The following IL23R variants were observed in gnomAD, a reference collection of about 807,000 sequenced individuals.
IL23R encodes the protein interleukin 23 receptor.
A neutral mutation model predicts 56.9 loss-of-function variants in IL23R; 34 were observed. That is an observed-to-expected ratio of 0.60 (90% CI 0.45 to 0.80). The LOEUF is 0.80. Among genes scored for constraint, IL23R ranks in the 30% least tolerant of loss-of-function variants. The pLI is 0.00. For synonymous variants in IL23R, 230 were observed against 249.2 expected (o/e 0.92, Z 0.73); for missense variants, 635 against 730.0 (o/e 0.87, Z 1.50).
At chr1:67,201,864 GT>G (rs1300559896) in intron 5 of IL23R, among the ~76,000 whole-genome samples, 1 of 151,908 alleles carries the variant, frequency 6.6e-6, no homozygotes, top group Admixed American at 6.5e-5. Flanking sequence ...TTAATCTATA[GT>G]TTTATTTTTA....
chr1:67,241,448 T>G (rs927336597), intron 9 of IL23R, among the ~76,000 whole-genome samples: 3 of 152,172 alleles, frequency 2.0e-5, no homozygotes, highest in Non-Finnish European at 2.9e-5. Flanking sequence ...GTCTAGTGCA[T>G]GAGCTCAGTC....
intron 4 of IL23R, among the ~76,000 whole-genome samples, chr1:67,195,269 G>A (rs559597046): frequency 6.6e-6 from 1 of 152,272 alleles, no homozygotes; most frequent in South Asian, 2.1e-4. Context: ...CTGACCTCAA[G>A]TGATCTGCCT....
intron 7 of IL23R, among the ~76,000 whole-genome samples, chr1:67,227,940 A>ATCTTTCTC (rs1650731526): frequency 2.7e-5 from 1 of 37,434 alleles, no homozygotes; most frequent in Non-Finnish European, 6.1e-5. Flanking sequence ...CAGAACAAAG[A>ATCTTTCTC]TCTTTCTTTC....
intron 7 of IL23R, among the ~76,000 whole-genome samples, chr1:67,231,057 G>A (rs1226864844): frequency 6.6e-6 from 1 of 152,162 alleles, no homozygotes; most frequent in East Asian, 1.9e-4. Context: ...CACATCCTTT[G>A]TCTCCTTTAA....
chr1:67,174,075 T>G lies in IL23R; in HGVS notation c.367+4437T>G, dbSNP rs185925750. 8.5e-5 allele frequency among the ~76,000 whole-genome samples: 13 copies of G among 152,330 alleles called. 1 individual carries two copies. The highest frequency in any genetic ancestry group is 8.5e-4 in the Admixed American group (13 of 15,300). ...TAACCTTATTTTGGAAAATTAAGTT[T>G]GTTTACAATTTTTTCATTGTTATGA... On this transcript the variant is annotated intron_variant, in intron 3 of 10. Transcript: ENST00000347310.
At chr1:67,257,221 G>C (rs964501936) in intron 10 of IL23R, among the ~76,000 whole-genome samples, 5 of 152,182 alleles carry the variant, frequency 3.3e-5, no homozygotes, top group African/African-American at 4.8e-5. Context: ...GAGAGACTAA[G>C]GAATGCTTAG....
intron 8 of IL23R, among the ~76,000 whole-genome samples, chr1:67,238,259 G>A (rs901679419): frequency 1.3e-5 from 2 of 149,608 alleles, no homozygotes; most frequent in Non-Finnish European, 3.0e-5. Flanking sequence ...GAGGTGGGAG[G>A]ATCAACTGAG....
intron 7 of IL23R, chr1:67,231,950 G>T (rs6686950): frequency 0.29 from 43,372 of 151,970 alleles, 7,331 homozygotes; most frequent in East Asian, 0.72. Context: ...AGCCCAGGGG[G>T]CAGAGGTTAC....
intron 5 of IL23R, among the ~76,000 whole-genome samples, chr1:67,202,236 C>T (rs1479004952): frequency 6.6e-6 from 1 of 152,172 alleles, no homozygotes; most frequent in Non-Finnish European, 1.5e-5. Context: ...GAGTCTCACT[C>T]TGTGGCCCAG....
At chr1:67,253,480 T>A (rs72676102) in intron 9 of IL23R, among the ~76,000 whole-genome samples, 1,814 of 152,354 alleles carry the variant, frequency 0.012, 13 homozygotes, top group Non-Finnish European at 0.019. Flanking sequence ...TTGCCATCAT[T>A]TGCTTCATGA....
Position 67,171,683 on chromosome 1 carries a change from C to T in IL23R, c.367+2045C>T, listed in dbSNP as rs573922205. ...GAAAAACTAGTCTGTGGGAGTTTTA[C>T]CTGCTTCCTTAAAGTTTCAGCTTGG... On this transcript the variant is annotated intron_variant, in intron 3 of 10. Transcript: ENST00000347310. Among the ~76,000 whole-genome samples, 6 of 152,222 alleles carry T rather than the reference C, an allele frequency of 3.9e-5. No homozygotes were observed. In the South Asian group the frequency reaches 1.2e-3, roughly 32 times the overall value.
intron 1 of IL23R, among the ~76,000 whole-genome samples, chr1:67,160,270 C>T (rs1457482851): frequency 6.6e-6 from 1 of 152,114 alleles, no homozygotes; most frequent in African/African-American, 2.4e-5. Context: ...AAAATGATTG[C>T]TTGAAAACAC....
intron 7 of IL23R, among the ~76,000 whole-genome samples, 172 bp from the exon 8 acceptor site, chr1:67,236,535 TAAAAAG>T (rs983792471): frequency 6.6e-5 from 10 of 151,606 alleles, no homozygotes; most frequent in Non-Finnish European, 8.8e-5. Flanking sequence ...CCCAATTAAA[TAAAAAG>T]AAGAAGAAAA....
intron 5 of IL23R, among the ~76,000 whole-genome samples, chr1:67,201,250 A>G (rs537455846): frequency 4.6e-4 from 70 of 150,556 alleles, no homozygotes; most frequent in African/African-American, 1.7e-3. Context: ...TAAAAGTACA[A>G]AAAAAAAATT....
intron 1 of IL23R, among the ~76,000 whole-genome samples, chr1:67,153,811 G>T (rs1646748910): frequency 6.6e-6 from 1 of 151,936 alleles, no homozygotes; most frequent in Admixed American, 6.6e-5. Context: ...TGTCACCCAG[G>T]CTGGAGTGCA....
At chr1:67,214,649 C>T in intron 6 of IL23R, among the ~76,000 whole-genome samples, 1 of 152,212 alleles carries the variant, frequency 6.6e-6, no homozygotes. Context: ...TAATATAATT[C>T]CTTTCTATTT....
intron 4 of IL23R, among the ~76,000 whole-genome samples, chr1:67,194,500 T>C (rs563645564): frequency 6.6e-6 from 1 of 152,342 alleles, no homozygotes; most frequent in South Asian, 2.1e-4. Flanking sequence ...ACAAGTTCTA[T>C]ATAAAAATAA....
intron 9 of IL23R, among the ~76,000 whole-genome samples, chr1:67,246,606 A>G (rs1361130760): frequency 6.6e-6 from 1 of 152,144 alleles, no homozygotes; most frequent in Non-Finnish European, 1.5e-5. Context: ...TTCAGTTTCC[A>G]TGTAGTTGTG....
chr1:67,178,271 G>A (rs1647039226), intron 3 of IL23R, among the ~76,000 whole-genome samples: 1 of 152,130 alleles, frequency 6.6e-6, no homozygotes, highest in African/African-American at 2.4e-5. Context: ...TCTTCCATTT[G>A]TTTGTGTCCT....
Sources: allele counts gnomAD v4.1 joint callset (sites outside exome capture counted in the v4.1 genomes callset), GRCh38; gene constraint gnomAD v4.1.1; transcripts MANE v1.5; gene names NCBI Gene and HGNC (gene_info 2026-07-23, HGNC 2026-07-21).